The following PRKCE variants were observed in gnomAD, a reference collection of about 807,000 sequenced individuals.
PRKCE encodes protein kinase C epsilon type.
PRKCE carries 16 observed loss-of-function variants against 85.4 expected under a neutral mutation model. The ratio of observed to expected loss-of-function variants is 0.19; its 90% CI spans 0.13 to 0.28. The LOEUF (loss-of-function observed/expected upper bound fraction) is 0.28, where lower values mean the gene tolerates loss of function less well. Ranked by LOEUF, PRKCE falls within the 10% of genes least tolerant of loss-of-function variation. PRKCE has a pLI of 1.00. For synonymous variants in PRKCE, 388 were observed against 371.5 expected (o/e 1.04, Z -0.51); for missense variants, 573 against 975.2 (o/e 0.59, Z 5.49).
chr2:45,918,624 C>T (rs957210457), intron 2 of PRKCE, among the ~76,000 whole-genome samples: 1 of 152,130 alleles, frequency 6.6e-6, no homozygotes, highest in African/African-American at 2.4e-5. Context: ...AAATTCAACC[C>T]AAATCTCTGA....
chr2:45,953,272 T>G (rs1700745307), intron 2 of PRKCE, among the ~76,000 whole-genome samples: 2 of 152,294 alleles, frequency 1.3e-5, no homozygotes, highest in South Asian at 4.2e-4. Context: ...AATTTTGTCT[T>G]GGGGAAGATG....
In PRKCE at chr2:46,081,427, A is replaced by C. The variant is rs550141538; in HGVS notation, c.1438-4781A>C. On this transcript the variant is annotated intron_variant, in intron 10 of 14. Transcript: ENST00000306156. ...CCTTAAAAAACAGCAAGCCAGAGTT[A>C]CCAACAGTTCCTGCCCTCATGAAGC... Among the ~76,000 whole-genome samples, 6 of 152,370 alleles carry C rather than the reference A, an allele frequency of 3.9e-5. No individual in the cohort carries two copies. In the South Asian group the frequency reaches 1.2e-3, roughly 32 times the overall value.
chr2:45,796,744 GA>G (rs1161911628), intron 1 of PRKCE, among the ~76,000 whole-genome samples: 2 of 152,284 alleles, frequency 1.3e-5, no homozygotes, highest in Non-Finnish European at 2.9e-5. Context: ...CCCAGGTCAA[GA>G]CTTGCAGAGC....
In PRKCE at chr2:45,703,291, T is replaced by A. The variant is rs887680283; in HGVS notation, c.348+50843T>A. 9.9e-5 allele frequency among the ~76,000 whole-genome samples: 15 copies of A among 152,136 alleles called. 1 individual carries two copies. The highest frequency in any genetic ancestry group is 2.9e-4 in the African/African-American group (12 of 41,498). ...GGCTCACATCTGTATTCCTAGCACT[T>A]TGGGAGCCTGAGGCAGGAGGATCAC... is the stretch of plus-strand genomic sequence containing the variant. On this transcript the variant is annotated intron_variant, in intron 1 of 14. Coordinates refer to ENST00000306156, the MANE Select transcript of PRKCE (RefSeq NM_005400.3).
At chr2:46,037,060 A>G (rs1707909440) in intron 10 of PRKCE, among the ~76,000 whole-genome samples, 1 of 152,142 alleles carries the variant, frequency 6.6e-6, no homozygotes, top group South Asian at 2.1e-4. Context: ...CGTCCAGGAC[A>G]CTTGGGTTCA....
intron 10 of PRKCE, among the ~76,000 whole-genome samples, chr2:46,049,756 G>A (rs140968690): frequency 2.4e-4 from 37 of 152,204 alleles, no homozygotes; most frequent in South Asian, 8.3e-4. Flanking sequence ...CCCATCATGC[G>A]TTTCCTTCTG....
intron 1 of PRKCE, among the ~76,000 whole-genome samples, chr2:45,835,186 G>C (rs767597032): frequency 2.0e-5 from 3 of 152,176 alleles, no homozygotes; most frequent in Non-Finnish European, 2.9e-5. Flanking sequence ...ATGCTCCGAG[G>C]GTGGGAATAG....
At chr2:46,031,136 C>G (rs1045531202) in intron 10 of PRKCE, among the ~76,000 whole-genome samples, 1 of 152,178 alleles carries the variant, frequency 6.6e-6, no homozygotes, top group African/African-American at 2.4e-5. Context: ...TGAAATAAAT[C>G]ACTTGGGAAA....
At chr2:46,132,194 G>A (rs1674529519) in intron 11 of PRKCE, among the ~76,000 whole-genome samples, 1 of 152,086 alleles carries the variant, frequency 6.6e-6, no homozygotes, top group Non-Finnish European at 1.5e-5. Context: ...CTCGGTGGTT[G>A]CTCTGTCTCA....
intron 2 of PRKCE, among the ~76,000 whole-genome samples, chr2:45,844,747 G>C (rs2044029455): frequency 6.6e-6 from 1 of 152,126 alleles, no homozygotes; most frequent in Non-Finnish European, 1.5e-5. Flanking sequence ...TGGGAGGCTG[G>C]GACTATTTTC....
intron 1 of PRKCE, among the ~76,000 whole-genome samples, chr2:45,679,504 G>A (rs896252423): frequency 6.6e-6 from 1 of 152,152 alleles, no homozygotes; most frequent in Non-Finnish European, 1.5e-5. Flanking sequence ...ATCTAAGTCT[G>A]TTTATAATAA....
At chr2:45,729,359 A>G (rs1681363812) in intron 1 of PRKCE, among the ~76,000 whole-genome samples, 1 of 152,194 alleles carries the variant, frequency 6.6e-6, no homozygotes, top group Admixed American at 6.5e-5. Flanking sequence ...TCTTCTTAGC[A>G]GGGGTCATTG....
chr2:46,010,932 A>G, intron 10 of PRKCE: 1 of 1,425,970 alleles, frequency 7.0e-7, no homozygotes, highest in Non-Finnish European at 9.1e-7. Flanking sequence ...AATCTGTGTA[A>G]TGTCATCTGA....
intron 2 of PRKCE, among the ~76,000 whole-genome samples, chr2:45,935,612 C>T (rs1037285650): frequency 1.4e-4 from 22 of 152,000 alleles, no homozygotes; most frequent in African/African-American, 4.6e-4. Context: ...CATGGTGAAA[C>T]CCCATCTCTA....
intron 1 of PRKCE, among the ~76,000 whole-genome samples, chr2:45,692,297 A>G (rs1231502342): frequency 2.0e-5 from 3 of 152,164 alleles, no homozygotes; most frequent in Non-Finnish European, 4.4e-5. Flanking sequence ...TGGCAGGGCC[A>G]TGTTCCCTCT....
Position 45,774,977 on chromosome 2 carries a change from C to T in PRKCE, c.349-68023C>T, listed in dbSNP as rs1355059172. On this transcript the variant is annotated intron_variant, in intron 1 of 14. Transcript: ENST00000306156. The surrounding 1 kb of genome is among the most constrained non-coding windows in gnomAD (Gnocchi z 4.3). ...CAGGATAGTAAAATGACAATAGCAG[C>T]GTAGACACTTCTCAGTTATTTACAA... 1.3e-5 allele frequency among the ~76,000 whole-genome samples: 2 copies of T among 151,872 alleles called. No individual in the cohort carries two copies. Among genetic ancestry groups the T allele is most frequent in the South Asian group, 2.1e-4 (1 of 4,820 alleles).
intron 1 of PRKCE, among the ~76,000 whole-genome samples, chr2:45,762,023 C>T (rs1684549925): frequency 1.3e-5 from 2 of 152,190 alleles, no homozygotes; most frequent in African/African-American, 4.8e-5. Context: ...GTTTCCATCC[C>T]ACCCTCTCAC....
At chr2:45,734,335 A>G (rs1046923659) in intron 1 of PRKCE, among the ~76,000 whole-genome samples, 3 of 151,770 alleles carry the variant, frequency 2.0e-5, no homozygotes, top group African/African-American at 7.3e-5. Context: ...ACTGCACTCC[A>G]TCCTGGCAAT....
chr2:45,659,542 A>G (rs1675537413), intron 1 of PRKCE, among the ~76,000 whole-genome samples: 1 of 152,156 alleles, frequency 6.6e-6, no homozygotes, highest in African/African-American at 2.4e-5. Flanking sequence ...ATAATTTACA[A>G]GACCAACAAA....
Sources: gnomAD v4.1 joint callset for allele counts (sites outside exome capture counted in the v4.1 genomes callset) on GRCh38, gnomAD v4.1.1 for gene constraint, Gnocchi (gnomAD v3.1) non-coding constraint, MANE v1.5 for transcripts, NCBI Gene and HGNC (gene_info 2026-07-23, HGNC 2026-07-21) for gene names.